Variants in ARHGAP6 observed in about 807,000 individuals in gnomAD.
ARHGAP6 encodes Rho GTPase activating protein 6.
Under a neutral mutation model 55.7 loss-of-function variants are expected in ARHGAP6, and 16 were observed. That is an observed-to-expected ratio of 0.29 (90% CI 0.19 to 0.44). The LOEUF (loss-of-function observed/expected upper bound fraction) is 0.44. ARHGAP6 is among the 20% of genes least tolerant of loss of function. ARHGAP6 has a pLI of 1.00. For synonymous variants in ARHGAP6, 382 were observed against 360.9 expected, an observed-to-expected ratio of 1.06 and a Z score of -0.66; for missense variants, 698 against 808.9, an observed-to-expected ratio of 0.86 and a Z score of 1.66.
intron 1 of ARHGAP6, among the ~76,000 whole-genome samples, chrX:11,591,021 G>A (rs1186326085): frequency 2.8e-5 from 3 of 106,689 alleles, no homozygotes; most frequent in East Asian, 3.0e-4. Flanking sequence ...GTGAAACCCC[G>A]TCTCTACTAA....
chrX:11,349,970 T>C (rs1323252699), intron 1 of ARHGAP6, among the ~76,000 whole-genome samples: 1 of 111,668 alleles, frequency 9.0e-6, no homozygotes, highest in African/African-American at 3.3e-5. Context: ...ATTTCTCACT[T>C]ATAAAACTGG....
At chrX:11,193,663 G>A (rs2046492806) in intron 3 of ARHGAP6, among the ~76,000 whole-genome samples, 1 of 112,496 alleles carries the variant, frequency 8.9e-6, no homozygotes. Context: ...ACCAGGATCT[G>A]CCTTCCTTTT....
chrX:11,299,901 G>A (rs1303038803), intron 1 of ARHGAP6, among the ~76,000 whole-genome samples: 9 of 111,641 alleles, frequency 8.1e-5, no homozygotes, highest in Non-Finnish European at 1.3e-4. Context: ...CTTTTAAATG[G>A]GGGAAAATGA....
At chrX:11,383,099 T>C (rs2049281580) in intron 1 of ARHGAP6, among the ~76,000 whole-genome samples, 1 of 112,280 alleles carries the variant, frequency 8.9e-6, no homozygotes, top group South Asian at 3.7e-4. Flanking sequence ...TCAATCAGAT[T>C]GGCATTTACC....
At chrX:11,394,548 T>C (rs1271152749) in intron 1 of ARHGAP6, among the ~76,000 whole-genome samples, 1 of 112,048 alleles carries the variant, frequency 8.9e-6, no homozygotes, top group Non-Finnish European at 1.9e-5. Context: ...TTCAATAAAG[T>C]TATTTTAAAA....
At chrX:11,607,109 T>C (rs1280884126) in intron 1 of ARHGAP6, among the ~76,000 whole-genome samples, 2 of 112,420 alleles carry the variant, frequency 1.8e-5, no homozygotes, top group African/African-American at 6.5e-5. Flanking sequence ...ATTGTAATCT[T>C]TGAATGCTTA....
chrX:11,590,867 A>AGAAG (rs2051812441), intron 1 of ARHGAP6, among the ~76,000 whole-genome samples: 1 of 54,961 alleles, frequency 1.8e-5, no homozygotes, highest in African/African-American at 8.1e-5. Flanking sequence ...AAAAGAAAAG[A>AGAAG]AGGAAAGAAA....
chrX:11,190,192 T>C (rs941296723), intron 3 of ARHGAP6, among the ~76,000 whole-genome samples: 1 of 112,215 alleles, frequency 8.9e-6, no homozygotes, highest in Non-Finnish European at 1.9e-5. Flanking sequence ...CCTGCACCTC[T>C]GGTTCTATCA....
rs745961943 is a variant in ARHGAP6, at chrX:11,661,595, A to G, written c.588+2646T>C. The stretch of plus-strand genomic sequence containing the variant: ...ACAAAGTGGGAAATGGATGAGATCC[A>G]TCAATGGCTAAACCTGAAGGTGAAT... On this transcript the variant is annotated intron_variant, in intron 1 of 12. Coordinates refer to ENST00000337414, the MANE Select transcript of ARHGAP6 (RefSeq NM_013427.3). Among the ~76,000 whole-genome samples, 33 of 112,788 alleles carry G rather than the reference A, an allele frequency of 2.9e-4. No homozygotes were observed. In the South Asian group the frequency reaches 0.012, roughly 41 times the overall value.
At chrX:11,222,319 T>C (rs958167660) in intron 2 of ARHGAP6, among the ~76,000 whole-genome samples, 1 of 112,306 alleles carries the variant, frequency 8.9e-6, no homozygotes, top group Non-Finnish European at 1.9e-5. Flanking sequence ...CAATAATTCA[T>C]ATAAGCAGTA....
intron 1 of ARHGAP6, among the ~76,000 whole-genome samples, chrX:11,360,201 C>G (rs1485681891): frequency 9.0e-6 from 1 of 111,546 alleles, no homozygotes; most frequent in Non-Finnish European, 1.9e-5. Flanking sequence ...GAGACACAAC[C>G]AACAAAGAGA....
intron 1 of ARHGAP6, among the ~76,000 whole-genome samples, chrX:11,333,748 T>C (rs1220684834): frequency 1.8e-5 from 2 of 112,276 alleles, no homozygotes; most frequent in African/African-American, 6.5e-5. Flanking sequence ...TTCTGCGATA[T>C]GGTCTGTTGA....
At chrX:11,319,567 TAC>T (rs1185141053) in intron 1 of ARHGAP6, among the ~76,000 whole-genome samples, 3 of 112,330 alleles carry the variant, frequency 2.7e-5, no homozygotes, top group Non-Finnish European at 5.6e-5. Flanking sequence ...TTAATGAACA[TAC>T]AGTTACCCGC....
At chrX:11,327,665 G>C (rs1231824139) in intron 1 of ARHGAP6, among the ~76,000 whole-genome samples, 2 of 111,432 alleles carry the variant, frequency 1.8e-5, no homozygotes, top group African/African-American at 6.5e-5. Context: ...CTATTACCAT[G>C]TCCTCTATTG....
intron 1 of ARHGAP6, chrX:11,298,422 A>G: frequency 8.8e-7 from 1 of 1,138,746 alleles, no homozygotes; most frequent in South Asian, 1.8e-5. Context: ...GTACACAGTT[A>G]CAAATTTTTG....
chrX:11,256,339 A>T (rs1192152685), intron 1 of ARHGAP6, among the ~76,000 whole-genome samples: 1 of 112,089 alleles, frequency 8.9e-6, no homozygotes, highest in Non-Finnish European at 1.9e-5. Flanking sequence ...CAGTGAGCCA[A>T]GATCACACCA....
chrX:11,496,703 T>C (rs2050626433), intron 1 of ARHGAP6, among the ~76,000 whole-genome samples: 1 of 112,513 alleles, frequency 8.9e-6, no homozygotes, highest in African/African-American at 3.2e-5. Context: ...TTTTTAACCA[T>C]ACATCCATCA....
At chrX:11,244,579 C>T (rs967563299) in intron 2 of ARHGAP6, among the ~76,000 whole-genome samples, 5 of 112,158 alleles carry the variant, frequency 4.5e-5, no homozygotes, top group East Asian at 2.8e-4. Context: ...TAAATTTCAA[C>T]GTATACGTAT....
chrX:11,555,406 G>A (rs1399492122), intron 1 of ARHGAP6, among the ~76,000 whole-genome samples: 1 of 111,134 alleles, frequency 9.0e-6, no homozygotes. Flanking sequence ...GTGGTCAGGG[G>A]AGGCCTCTCT....
Sources: allele counts gnomAD v4.1 joint callset (sites outside exome capture counted in the v4.1 genomes callset), GRCh38; gene constraint gnomAD v4.1.1; transcripts MANE v1.5; gene names NCBI Gene and HGNC (gene_info 2026-07-23, HGNC 2026-07-21).